FLVCR1: variants seen among roughly 807,000 people sequenced by gnomAD.
FLVCR1 encodes the protein FLVCR choline and heme transporter 1.
A neutral mutation model predicts 53.6 loss-of-function variants in FLVCR1; 34 were observed. The observed-to-expected ratio is 0.63, with a 90% CI of 0.48 to 0.84. The LOEUF is 0.84. FLVCR1 is among the 40% of genes least tolerant of loss of function. The pLI is 0.00. For synonymous variants in FLVCR1, 300 were observed against 286.3 expected, an observed-to-expected ratio of 1.05 and a Z score of -0.48; for missense variants, 677 against 696.7, an observed-to-expected ratio of 0.97 and a Z score of 0.32.
At position 212,863,866 on chromosome 1, in the gene FLVCR1, A is replaced by G; in HGVS notation, c.880A>G (p.Ile294Val). 2 of 1,612,424 alleles carry G rather than the reference A, an allele frequency of 1.2e-6. No homozygotes were observed. Among genetic ancestry groups the G allele is most frequent in the East Asian group, 2.2e-5 (1 of 44,862 alleles). The change falls in exon 2 of 10, where the codon ATT becomes GTT. Residue 294 changes from isoleucine to valine, a missense_variant. By Grantham distance (29) the Ile-to-Val change is conservative. Transcript: ENST00000366971. ...CACACTTTTATTTATTTTAACAGCA[A>G]TTGGTAAGTGAATTACTTTCCCTAA... Reference protein sequence around the residue: ...VATLLFILTAIAFKEKPRYPP... With the variant: ...VATLLFILTAVAFKEKPRYPP...
intron 8 of FLVCR1, among the ~76,000 whole-genome samples, chr1:212,893,216 C>T (rs575565692): frequency 5.9e-5 from 9 of 151,930 alleles, no homozygotes; most frequent in Admixed American, 1.3e-4. Flanking sequence ...CCACCACGCC[C>T]GGCTAATTTT....
In FLVCR1 at chr1:212,897,746, C is replaced by T. The variant is rs963833958; in HGVS notation, c.*2456C>T. On this transcript the variant is annotated 3_prime_UTR_variant, in exon 10 of 10. Coordinates refer to ENST00000366971, the MANE Select transcript of FLVCR1 (RefSeq NM_014053.4). ...GGAGGTGCCACACACCTTCAAACAA[C>T]CAGATTTTGTGAAAACTCACTCATT... The T allele has an allele frequency of 1.3e-5, 2 of 152,120 alleles. No individual in the cohort carries two copies. Among genetic ancestry groups the T allele is most frequent in the Non-Finnish European group, 2.9e-5 (2 of 68,044 alleles). 9.4% of individuals were successfully genotyped at this position (152,120 alleles called of 1,614,324 possible). A position where few individuals can be genotyped will look rare whatever the true frequency, so the allele number is the denominator to read the frequency against.
intron 1 of FLVCR1, among the ~76,000 whole-genome samples, chr1:212,861,613 C>T (rs186121871): frequency 8.5e-5 from 13 of 152,184 alleles, no homozygotes; most frequent in African/African-American, 3.1e-4. Context: ...TATTACCACC[C>T]TCTCTTGTAA....
At position 212,899,298 on chromosome 1, in the gene FLVCR1, A is replaced by C. The variant is rs1665415811; in HGVS notation, c.*4008A>C. 6.6e-6 allele frequency: 1 copy of C among 152,188 alleles called. No homozygotes were observed. Among genetic ancestry groups the C allele is most frequent in the South Asian group, 2.1e-4 (1 of 4,832 alleles). The allele number at this position is 152,188 out of a possible 1,614,324, so 9.4% of individuals were successfully genotyped here. ...TCATGTTCTAATTTTTGTTCTTTGT[A>C]CTATTTATCTGTATGCTTGTTCTTC... On this transcript the variant is annotated 3_prime_UTR_variant, in exon 10 of 10. Transcript: ENST00000366971.
At chr1:212,891,328 CTTGAATCTGGGAGGCTGAGGCAGAAGAAT>C (rs1665186642) in intron 8 of FLVCR1, among the ~76,000 whole-genome samples, 1 of 59,038 alleles carries the variant, frequency 1.7e-5, no homozygotes, top group Non-Finnish European at 5.5e-5. Context: ...AGAAGAATTG[CTTGAATCTGGGAGGCTGAGGCAGAAGAAT>C]TGCTTGAATC....
intron 3 of FLVCR1, among the ~76,000 whole-genome samples, chr1:212,876,360 A>C (rs918425591): frequency 6.8e-6 from 1 of 147,674 alleles, no homozygotes; most frequent in African/African-American, 2.5e-5. Flanking sequence ...TGCAAAGGAC[A>C]TGATCTCATT....
At chr1:212,886,464 C>A (rs12043852) in intron 5 of FLVCR1, among the ~76,000 whole-genome samples, 66,775 of 151,964 alleles carry the variant, frequency 0.44, 15,720 homozygotes, top group East Asian at 0.54. Context: ...GGCTAAAGTA[C>A]GCCCAGACTA....
At position 212,867,896 on chromosome 1, in the gene FLVCR1, C is replaced by T. The variant is rs185578657; in HGVS notation, c.883+4027C>T. On this transcript the variant is annotated intron_variant, in intron 2 of 9. Coordinates refer to ENST00000366971, the MANE Select transcript of FLVCR1 (RefSeq NM_014053.4). ...TTGGCTCACTGCAAGCTCTGCCTCC[C>T]GGGTTCACACCATTCTCCTGCCTCA... 7.8e-3 allele frequency among the ~76,000 whole-genome samples: 1,182 copies of T among 151,040 alleles called. 19 individuals carry two copies. Among genetic ancestry groups the T allele is most frequent in the African/African-American group, 0.027 (1,094 of 41,054 alleles).
chr1:212,867,860 G>A (rs7523527), intron 2 of FLVCR1, among the ~76,000 whole-genome samples: 2,587 of 147,578 alleles, frequency 0.018, 75 homozygotes, highest in African/African-American at 0.059. Flanking sequence ...CAGGAGTACA[G>A]TGGCGCGATC....
At chr1:212,861,629 A>G (rs1046818999) in intron 1 of FLVCR1, among the ~76,000 whole-genome samples, 1 of 149,842 alleles carries the variant, frequency 6.7e-6, no homozygotes, top group African/African-American at 2.5e-5. Flanking sequence ...TGTAATTACC[A>G]GTTATATTCT....
In FLVCR1 at chr1:212,863,791, C is replaced by G. The variant is rs1284670716; in HGVS notation, c.805C>G (p.Leu269Val). 9.9e-6 allele frequency: 16 copies of G among 1,613,822 alleles called. No homozygotes were observed. Among genetic ancestry groups the G allele is most frequent in the Non-Finnish European group, 1.4e-5 (16 of 1,179,732 alleles). ...ACCCAACACACAGAATGACACAAAT[C>G]TCCTGGCTTGTAATATCAGCACCAT... Reference protein sequence around the residue: ...LVPNTQNDTNLLACNISTMFY... With the variant: ...LVPNTQNDTNVLACNISTMFY... The change falls in exon 2 of 10, where the codon CTC becomes GTC. Residue 269 changes from leucine (L) to valine (V), a missense_variant. By Grantham distance (32) the Leu-to-Val change is conservative. Transcript: ENST00000366971.
Position 212,858,485 on chromosome 1 carries a change from G to T in FLVCR1, c.33G>T (p.Ala11=). Residue 11 remains alanine (A), a synonymous_variant, in exon 1 of 10, where the codon GCG becomes GCT. Coordinates refer to ENST00000366971, the MANE Select transcript of FLVCR1 (RefSeq NM_014053.4). MARPDDEEGA[A]VAPGHPLAKG... ...GGCCAGACGATGAGGAGGGGGCGGC[G>T]GTGGCGCCCGGACACCCGCTCGCGA... 6.9e-7 allele frequency: 1 copy of T among 1,443,966 alleles called. No homozygotes were observed. The highest frequency in any genetic ancestry group is 1.5e-5 in the South Asian group (1 of 68,384). The allele number at this position is 1,443,966 out of a possible 1,614,324, so 89.4% of individuals were successfully genotyped here.
intron 1 of FLVCR1, among the ~76,000 whole-genome samples, chr1:212,862,289 G>A (rs934351061): frequency 6.6e-6 from 1 of 151,994 alleles, no homozygotes; most frequent in Non-Finnish European, 1.5e-5. Flanking sequence ...TTATCCACCC[G>A]CAAAGAAGGC....
At position 212,895,007 on chromosome 1, in the gene FLVCR1, G is replaced by A. The variant is rs780752648; in HGVS notation, c.1547G>A (p.Arg516Gln). 20 of 1,604,064 alleles carry A rather than the reference G, an allele frequency of 1.2e-5. No homozygotes were observed. Among genetic ancestry groups the A allele is most frequent in the Admixed American group, 6.7e-5 (4 of 59,978 alleles). The change falls in exon 9 of 10, where the codon CGA becomes CAA. Residue 516 changes from arginine to glutamine, a missense_variant. Arg to Gln is a conservative substitution (Grantham distance 43). Transcript: ENST00000366971. ...ILTALIKSDL[R>Q]RHNINIGITN... ...TCAGCATTAATCAAGTCTGATCTGCGAAGACACAACATAAATATAGGAATT... is the reference window on the plus strand; with the variant it reads ...TCAGCATTAATCAAGTCTGATCTGCAAAGACACAACATAAATATAGGAATT...
chr1:212,885,800 C>T (rs1665050550), intron 5 of FLVCR1, among the ~76,000 whole-genome samples: 2 of 151,990 alleles, frequency 1.3e-5, no homozygotes, highest in African/African-American at 4.8e-5. Flanking sequence ...ATCCACCCGC[C>T]TCGACCTCCC....
chr1:212,886,440 G>T (rs1160229300), intron 5 of FLVCR1, among the ~76,000 whole-genome samples: 1 of 152,072 alleles, frequency 6.6e-6, no homozygotes, highest in African/African-American at 2.4e-5. Flanking sequence ...GCTTTATTTT[G>T]GTAAGAACTT....
chr1:212,873,999 G>GT (rs1167527945), intron 3 of FLVCR1, among the ~76,000 whole-genome samples: 2 of 151,956 alleles, frequency 1.3e-5, no homozygotes, highest in Non-Finnish European at 2.9e-5. Context: ...ATTTCCTCCA[G>GT]TTTTTTTCCT....
At chr1:212,862,915 G>A (rs1180399684) in intron 1 of FLVCR1, among the ~76,000 whole-genome samples, 5 of 152,044 alleles carry the variant, frequency 3.3e-5, no homozygotes, top group East Asian at 1.9e-4. Flanking sequence ...GTTTTGATTC[G>A]GGCATGTTTT....
chr1:212,867,069 G>C (rs1227975898), intron 2 of FLVCR1, among the ~76,000 whole-genome samples: 1 of 152,118 alleles, frequency 6.6e-6, no homozygotes, highest in Non-Finnish European at 1.5e-5. Flanking sequence ...TACTTTGGAA[G>C]TCCCACCACG....
Sources: allele counts gnomAD v4.1 joint callset (sites outside exome capture counted in the v4.1 genomes callset), GRCh38; gene constraint gnomAD v4.1.1; transcripts MANE v1.5; gene names NCBI Gene and HGNC (gene_info 2026-07-23, HGNC 2026-07-21).